SOX11: variants seen among roughly 807,000 people sequenced by gnomAD.
The protein encoded by SOX11 is SRY-box transcription factor 11.
SOX11 carries 5 observed loss-of-function variants against 16.7 expected under a neutral mutation model. The observed-to-expected ratio is 0.30, with a 90% CI of 0.16 to 0.63. The LOEUF is 0.63. SOX11 is among the 20% of genes least tolerant of loss of function. The pLI, the probability that SOX11 is intolerant of heterozygous loss-of-function variation, is 0.82. For missense variants in SOX11, 492 were observed against 641.5 expected (o/e 0.77, Z 2.52); for synonymous variants, 363 against 298.8 (o/e 1.21, Z -2.22).
chr2:5,698,979 A>G lies in SOX11; in HGVS notation c.*4932A>G, dbSNP rs1665790801. On this transcript the variant is annotated 3_prime_UTR_variant, in exon 1 of 1. Transcript: ENST00000322002. Reference sequence around the variant, plus strand: ...CTCTATTTTAAAGTAGTCATTCAATATAAATATATTATATCAATCTTAACT... The same window carrying G: ...CTCTATTTTAAAGTAGTCATTCAATGTAAATATATTATATCAATCTTAACT... The G allele has an allele frequency of 1.1e-4, 18 of 167,056 alleles. No individual in the cohort carries two copies. In the Admixed American group the frequency reaches 1.2e-3, roughly 11 times the overall value. 10.3% of individuals were successfully genotyped at this position (167,056 alleles called of 1,614,324 possible). A position where few individuals can be genotyped will look rare whatever the true frequency, so the allele number is the denominator to read the frequency against.
rs1481711623 is a variant in SOX11 at position 5,692,386 on chromosome 2, A to T, written c.-336A>T. ...TGAGAGAGAGACCTCAACTTTTTGC[A>T]GAAGGAGCGCGCGCGCCTGGGAGAG... On this transcript the variant is annotated 5_prime_UTR_variant, in exon 1 of 1. Transcript: ENST00000322002. 1.3e-5 allele frequency among the ~76,000 whole-genome samples: 2 copies of T among 151,514 alleles called. No individual in the cohort carries two copies. Among genetic ancestry groups the T allele is most frequent in the Non-Finnish European group, 2.9e-5 (2 of 67,854 alleles).
Position 5,693,497 on chromosome 2 carries a change from C to T in SOX11, c.776C>T (p.Pro259Leu), listed in dbSNP as rs866041767. 3 of 1,580,032 alleles carry T rather than the reference C, an allele frequency of 1.9e-6. No homozygotes were observed. The highest frequency in any genetic ancestry group is 2.6e-6 in the Non-Finnish European group (3 of 1,170,836). ...EPPHQQLLQP[P>L]GQQPSQLLRR... ...CCGCACCAGCAGCTCCTGCAGCCGC[C>T]GGGGCAGCAGCCGTCGCAGCTGCTG... The change falls in exon 1 of 1, where the codon CCG becomes CTG. Residue 259 changes from proline to leucine, a missense_variant. By Grantham distance (98) the Pro-to-Leu change is moderately conservative. This residue lies in a region of SOX11 where 389 missense variants were observed against 389.0 expected (regional missense o/e 1.00). Transcript: ENST00000322002. The surrounding 1 kb of genome is among the most constrained non-coding windows in gnomAD (Gnocchi z 8.6).
At position 5,699,383 on chromosome 2, in the gene SOX11, G is replaced by T. The variant is rs1665796816; in HGVS notation, c.*5336G>T. On this transcript the variant is annotated 3_prime_UTR_variant, in exon 1 of 1. Transcript: ENST00000322002. ...CCCTTTGTATAGCCTAAGCCTGTGA[G>T]GATAACAAGAATGAGCCTTACCTAT... 6.0e-6 allele frequency: 1 copy of T among 166,992 alleles called. No homozygotes were observed. Among genetic ancestry groups the T allele is most frequent in the African/African-American group, 2.4e-5 (1 of 41,426 alleles). 10.3% of individuals were successfully genotyped at this position (166,992 alleles called of 1,614,324 possible). A position where few individuals can be genotyped will look rare whatever the true frequency, so the allele number is the denominator to read the frequency against.
Position 5,696,754 on chromosome 2 carries a change from G to A in SOX11, c.*2707G>A, listed in dbSNP as rs1341147375. On this transcript the variant is annotated 3_prime_UTR_variant, in exon 1 of 1. Coordinates refer to ENST00000322002, the MANE Select transcript of SOX11 (RefSeq NM_003108.4). ...AAGCCTCGGGGCTGCGGGGTGAGAG[G>A]AAGAAAGCAAACCCGGGGAGCAGGC... is the stretch of plus-strand genomic sequence containing the variant. The A allele has an allele frequency of 6.6e-6, 1 of 152,172 alleles. No individual in the cohort carries two copies. Among genetic ancestry groups the A allele is most frequent in the African/African-American group, 2.4e-5 (1 of 41,416 alleles). The allele number at this position is 152,172 out of a possible 1,614,324, so 9.4% of individuals were successfully genotyped here. A position where few individuals can be genotyped will look rare whatever the true frequency, so the allele number is the denominator to read the frequency against.
At position 5,701,144 on chromosome 2, in the gene SOX11, A is replaced by G. The variant is rs186845039; in HGVS notation, c.*7097A>G. ...TATGACATTGCTGTATCAAAGTTGT[A>G]AAATTAAGCATTATTTATTGAAAAC... On this transcript the variant is annotated 3_prime_UTR_variant, in exon 1 of 1. Transcript: ENST00000322002. 3.0e-5 allele frequency: 5 copies of G among 167,120 alleles called. No homozygotes were observed. In the East Asian group the frequency reaches 9.6e-4, roughly 32 times the overall value. The allele number at this position is 167,120 out of a possible 1,614,324, so 10.4% of individuals were successfully genotyped here.
rs1375823869 is a variant in SOX11 at position 5,700,562 on chromosome 2, T to C, written c.*6515T>C. The C allele has an allele frequency of 2.4e-5, 4 of 167,098 alleles. No homozygotes were observed. The highest frequency in any genetic ancestry group is 2.4e-5 in the African/African-American group (1 of 41,468). 10.4% of individuals were successfully genotyped at this position (167,098 alleles called of 1,614,324 possible). The stretch of plus-strand genomic sequence containing the variant: ...AGTATGCCTCCTCCCTTGAATCACA[T>C]AGGGAGAAACGTTATACTCCATTCT... On this transcript the variant is annotated 3_prime_UTR_variant, in exon 1 of 1. Transcript: ENST00000322002.
Position 5,692,774 on chromosome 2 carries a change from C to G in SOX11, c.53C>G (p.Ala18Gly). The G allele has an allele frequency of 6.2e-7, 1 of 1,610,946 alleles. No individual in the cohort carries two copies. The highest frequency in any genetic ancestry group is 1.1e-5 in the South Asian group (1 of 90,758). The change falls in exon 1 of 1, where the codon GCG becomes GGG. Residue 18 changes from alanine to glycine, a missense_variant. Coordinates refer to ENST00000322002, the MANE Select transcript of SOX11 (RefSeq NM_003108.4). ...GCGGAGAGCAACCTGCCCCGGGAGG[C>G]GCTGGACACGGAGGAGGGCGAATTC... ...LEAESNLPRE[A>G]LDTEEGEFMA...
rs1341678598 is a variant in SOX11, at chr2:5,699,385, A to G, written c.*5338A>G. 1 of 167,048 alleles carries G rather than the reference A, an allele frequency of 6.0e-6. No homozygotes were observed. The highest frequency in any genetic ancestry group is 1.9e-4 in the East Asian group (1 of 5,196). The allele number at this position is 167,048 out of a possible 1,614,324, so 10.3% of individuals were successfully genotyped here. A position where few individuals can be genotyped will look rare whatever the true frequency, so the allele number is the denominator to read the frequency against. ...CTTTGTATAGCCTAAGCCTGTGAGG[A>G]TAACAAGAATGAGCCTTACCTATCC... On this transcript the variant is annotated 3_prime_UTR_variant, in exon 1 of 1. Transcript: ENST00000322002.
chr2:5,693,393 GGACGACGACGACGAC>G lies in SOX11; in HGVS notation c.687_701del (p.Asp229_Asp233del). On this transcript the variant is annotated inframe_deletion, in exon 1 of 1. Transcript: ENST00000322002. This position sits in a 1 kb window ranked among gnomAD's most constrained non-coding sequence, Gnocchi z 8.6. Reference sequence around the variant, plus strand: ...CGGTCAAGTGCGTGTTTCTGGATGAGGACGACGACGACGACGACGACGACGACGAGCTGCAGCTGC... The same window carrying G: ...CGGTCAAGTGCGTGTTTCTGGATGAGGACGACGACGACGAGCTGCAGCTGC... The G allele has an allele frequency of 3.2e-6, 5 of 1,586,452 alleles. No individual in the cohort carries two copies. Among genetic ancestry groups the G allele is most frequent in the East Asian group, 2.3e-5 (1 of 44,264 alleles).
chr2:5,693,594 G>A lies in SOX11; in HGVS notation c.873G>A (p.Ala291=), dbSNP rs750205888. 5.4e-5 allele frequency: 85 copies of A among 1,562,796 alleles called. No individual in the cohort carries two copies. The highest frequency in any genetic ancestry group is 6.9e-5 in the Non-Finnish European group (80 of 1,161,994). Residue 291 remains alanine (A), a synonymous_variant, in exon 1 of 1, where the codon GCG becomes GCA. Transcript: ENST00000322002. The surrounding 1 kb of genome is among the most constrained non-coding windows in gnomAD (Gnocchi z 8.6). The part of the protein sequence containing the change: ...LSSSAESPEG[A]SLYDEVRAGA... ...GCTCGGCGGAGTCCCCCGAGGGAGCGAGCCTCTACGACGAGGTGCGGGCCG... is the reference window on the plus strand; with the variant it reads ...GCTCGGCGGAGTCCCCCGAGGGAGCAAGCCTCTACGACGAGGTGCGGGCCG...
Position 5,698,696 on chromosome 2 carries a change from T to G in SOX11, c.*4649T>G, listed in dbSNP as rs946432146. The G allele has an allele frequency of 4.2e-5, 7 of 167,130 alleles. No individual in the cohort carries two copies. Among genetic ancestry groups the G allele is most frequent in the African/African-American group, 7.2e-5 (3 of 41,470 alleles). 10.4% of individuals were successfully genotyped at this position (167,130 alleles called of 1,614,324 possible). On this transcript the variant is annotated 3_prime_UTR_variant, in exon 1 of 1. Coordinates refer to ENST00000322002, the MANE Select transcript of SOX11 (RefSeq NM_003108.4). The stretch of plus-strand genomic sequence containing the variant: ...CTAGAGAAAGAAATCATTACAACTC[T>G]TTTGGGCAGAGATGTTTCTTTTTAA...
chr2:5,694,318 C>G lies in SOX11; in HGVS notation c.*271C>G. Reference sequence around the variant, plus strand: ...TTTTCCTGTCCTTTTTTTGTCCCCCCTCCCTTCCTTTATCGTGTCTCAAGG... The same window carrying G: ...TTTTCCTGTCCTTTTTTTGTCCCCCGTCCCTTCCTTTATCGTGTCTCAAGG... On this transcript the variant is annotated 3_prime_UTR_variant, in exon 1 of 1. Coordinates refer to ENST00000322002, the MANE Select transcript of SOX11 (RefSeq NM_003108.4). 2 of 480,612 alleles carry G rather than the reference C, an allele frequency of 4.2e-6. No individual in the cohort carries two copies. The highest frequency in any genetic ancestry group is 7.4e-6 in the Non-Finnish European group (2 of 269,194). The allele number at this position is 480,612 out of a possible 1,614,324, so 29.8% of individuals were successfully genotyped here. A position where few individuals can be genotyped will look rare whatever the true frequency, so the allele number is the denominator to read the frequency against.
Position 5,693,542 on chromosome 2 carries a change from A to T in SOX11, c.821A>T (p.Lys274Ile). Residue 274 changes from lysine (K) to isoleucine (I), a missense_variant, in exon 1 of 1, where the codon AAA becomes ATA. Physicochemically the swap from Lys to Ile is moderately radical, Grantham distance 102. This residue lies in a region of SOX11 where 389 missense variants were observed against 389.0 expected (regional missense o/e 1.00). Coordinates refer to ENST00000322002, the MANE Select transcript of SOX11 (RefSeq NM_003108.4). The surrounding 1 kb of genome is among the most constrained non-coding windows in gnomAD (Gnocchi z 8.6). ...CTGCTGAGACGCTACAACGTCGCCA[A>T]AGTGCCCGCCAGCCCTACGCTGAGC... ...SQLLRRYNVA[K>I]VPASPTLSSS... is the part of the protein sequence containing the mutation. 1 of 1,566,870 alleles carries T rather than the reference A, an allele frequency of 6.4e-7. No individual in the cohort carries two copies. The highest frequency in any genetic ancestry group is 8.6e-7 in the Non-Finnish European group (1 of 1,163,530).
At position 5,700,764 on chromosome 2, in the gene SOX11, C is replaced by G. The variant is rs1665824851; in HGVS notation, c.*6717C>G. ...ATCCCATAATGCTTCGTGACGGCCA[C>G]CAGGACAGAACCACCTGATGTTTTA... On this transcript the variant is annotated 3_prime_UTR_variant, in exon 1 of 1. Transcript: ENST00000322002. The G allele has an allele frequency of 6.0e-6, 1 of 166,974 alleles. No homozygotes were observed. Among genetic ancestry groups the G allele is most frequent in the South Asian group, 2.1e-4 (1 of 4,822 alleles). 10.3% of individuals were successfully genotyped at this position (166,974 alleles called of 1,614,324 possible). A position where few individuals can be genotyped will look rare whatever the true frequency, so the allele number is the denominator to read the frequency against.
rs1369221162 is a variant in SOX11, at chr2:5,693,897, G to T, written c.1176G>T (p.Leu392=). The change falls in exon 1 of 1, where the codon CTG becomes CTT. Residue 392 remains leucine (L), a synonymous_variant. Coordinates refer to ENST00000322002, the MANE Select transcript of SOX11 (RefSeq NM_003108.4). This position sits in a 1 kb window ranked among gnomAD's most constrained non-coding sequence, Gnocchi z 8.6. ...GCGCGGCGGCCGGGAACCTGTCCCT[G>T]TCGCTGGTGGATAAGGATTTGGATT... The part of the protein sequence containing the change: ...GGGAAAGNLS[L]SLVDKDLDSF... 5 of 1,551,432 alleles carry T rather than the reference G, an allele frequency of 3.2e-6. No individual in the cohort carries two copies. In the East Asian group the frequency reaches 1.2e-4, roughly 38 times the overall value.
rs1665696160 is a variant in SOX11, at chr2:5,694,583, T to C, written c.*536T>C. 5.0e-6 allele frequency: 1 copy of C among 198,598 alleles called. No individual in the cohort carries two copies. Among genetic ancestry groups the C allele is most frequent in the Non-Finnish European group, 1.1e-5 (1 of 90,372 alleles). 12.3% of individuals were successfully genotyped at this position (198,598 alleles called of 1,614,324 possible). On this transcript the variant is annotated 3_prime_UTR_variant, in exon 1 of 1. Coordinates refer to ENST00000322002, the MANE Select transcript of SOX11 (RefSeq NM_003108.4). ...TGTTACTCTAGGGAGTTGGTGGAGA[T>C]ATTTTTTTTTCTTAAGAGAACTTAA... is the stretch of plus-strand genomic sequence containing the variant.
chr2:5,693,667 A>C lies in SOX11; in HGVS notation c.946A>C (p.Lys316Gln). ...CGGCAGCCGCCTCTACTACAGCTTC[A>C]AGAACATCACCAAGCAGCACCCGCC... ...GGGSRLYYSF[K>Q]NITKQHPPPL... The change falls in exon 1 of 1, where the codon AAG becomes CAG. Residue 316 changes from lysine (K) to glutamine (Q), a missense_variant. Lys to Gln is a moderately conservative substitution (Grantham distance 53). Coordinates refer to ENST00000322002, the MANE Select transcript of SOX11 (RefSeq NM_003108.4). The surrounding 1 kb of genome is among the most constrained non-coding windows in gnomAD (Gnocchi z 8.6). 1 of 1,598,198 alleles carries C rather than the reference A, an allele frequency of 6.3e-7. No individual in the cohort carries two copies. Among genetic ancestry groups the C allele is most frequent in the Non-Finnish European group, 8.5e-7 (1 of 1,177,964 alleles).
Position 5,701,115 on chromosome 2 carries a change from G to T in SOX11, c.*7068G>T, listed in dbSNP as rs975821310. 6.0e-6 allele frequency: 1 copy of T among 166,904 alleles called. No individual in the cohort carries two copies. The highest frequency in any genetic ancestry group is 6.6e-5 in the Admixed American group (1 of 15,260). The allele number at this position is 166,904 out of a possible 1,614,324, so 10.3% of individuals were successfully genotyped here. On this transcript the variant is annotated 3_prime_UTR_variant, in exon 1 of 1. Coordinates refer to ENST00000322002, the MANE Select transcript of SOX11 (RefSeq NM_003108.4). Reference sequence around the variant, plus strand: ...CATGCAGAGTGTAGTGTGTTGAAACGGTGTATGACATTGCTGTATCAAAGT... The same window carrying T: ...CATGCAGAGTGTAGTGTGTTGAAACTGTGTATGACATTGCTGTATCAAAGT...
Position 5,695,053 on chromosome 2 carries a change from T to A in SOX11, c.*1006T>A, listed in dbSNP as rs951207898. On this transcript the variant is annotated 3_prime_UTR_variant, in exon 1 of 1. Transcript: ENST00000322002. The stretch of plus-strand genomic sequence containing the variant: ...GTGAAAAGGGAACATTCTTGCTGTG[T>A]TTTTTCAGTAAGACTTTCAGGCACT... 4 of 166,982 alleles carry A rather than the reference T, an allele frequency of 2.4e-5. No individual in the cohort carries two copies. The highest frequency in any genetic ancestry group is 9.7e-5 in the African/African-American group (4 of 41,446). 10.3% of individuals were successfully genotyped at this position (166,982 alleles called of 1,614,324 possible). A position where few individuals can be genotyped will look rare whatever the true frequency, so the allele number is the denominator to read the frequency against.
Sources: allele counts gnomAD v4.1 joint callset (sites outside exome capture counted in the v4.1 genomes callset), GRCh38; gene constraint gnomAD v4.1.1; regional missense constraint gnomAD v4.1.1; non-coding constraint Gnocchi (gnomAD v3.1); transcripts MANE v1.5; gene names NCBI Gene and HGNC (gene_info 2026-07-23, HGNC 2026-07-21).